The following BBX variants were observed in gnomAD, a reference collection of about 807,000 sequenced individuals.
BBX encodes HMG box transcription factor BBX.
Under a neutral mutation model 100.2 loss-of-function variants are expected in BBX, and 30 were observed. The ratio of observed to expected loss-of-function variants is 0.30; its 90% CI spans 0.22 to 0.41. The LOEUF (loss-of-function observed/expected upper bound fraction) is 0.41. Ranked by LOEUF, BBX falls within the 10% of genes least tolerant of loss-of-function variation. The pLI is 1.00. For missense variants in BBX, 1,023 were observed against 1,129.8 expected (o/e 0.91, Z 1.35); for synonymous variants, 376 against 388.1 (o/e 0.97, Z 0.37).
Position 107,612,612 on chromosome 3 carries a change from A to G in BBX, c.-83-33224A>G, listed in dbSNP as rs765936189. ...CCAAACAAGTGGAATCTCTTTGTCTATGCTGAGCTGTCTAGAGCTGGGGGA... is the reference window on the plus strand; with the variant it reads ...CCAAACAAGTGGAATCTCTTTGTCTGTGCTGAGCTGTCTAGAGCTGGGGGA... On this transcript the variant is annotated intron_variant, in intron 2 of 17. Coordinates refer to ENST00000325805, the MANE Select transcript of BBX (RefSeq NM_001142568.3). Among the ~76,000 whole-genome samples the G allele has an allele frequency of 3.3e-5, 5 of 152,164 alleles. No individual in the cohort carries two copies. In the East Asian group the frequency reaches 7.7e-4, roughly 23 times the overall value.
chr3:107,740,102 G>A (rs1020254912), intron 7 of BBX, among the ~76,000 whole-genome samples: 1 of 151,906 alleles, frequency 6.6e-6, no homozygotes, highest in Non-Finnish European at 1.5e-5. Flanking sequence ...ACTCTATGTG[G>A]TGCTGTTGGG....
intron 15 of BBX, among the ~76,000 whole-genome samples, chr3:107,794,190 G>A (rs1004417201): frequency 1.3e-5 from 2 of 151,894 alleles, no homozygotes; most frequent in African/African-American, 4.8e-5. Context: ...TAGTTTACAG[G>A]GGGCTTTCAT....
At chr3:107,742,919 A>T (rs563024495) in intron 7 of BBX, among the ~76,000 whole-genome samples, 1 of 152,304 alleles carries the variant, frequency 6.6e-6, no homozygotes, top group East Asian at 1.9e-4. Context: ...AATGACACTT[A>T]AAAGAAAGTT....
At position 107,779,128 on chromosome 3, in the gene BBX, C is replaced by T. The variant is rs555960298; in HGVS notation, c.2203+609C>T. Reference sequence around the variant, plus strand: ...TTCTCTACTGCCTATATCAGGGAAGCTTTTTTAAAGTTATCAGCATGACTT... The same window carrying T: ...TTCTCTACTGCCTATATCAGGGAAGTTTTTTTAAAGTTATCAGCATGACTT... On this transcript the variant is annotated intron_variant, in intron 13 of 17. Transcript: ENST00000325805. Among the ~76,000 whole-genome samples the T allele has an allele frequency of 2.0e-5, 3 of 150,588 alleles. No homozygotes were observed. In the East Asian group the frequency reaches 5.9e-4, roughly 29 times the overall value.
chr3:107,782,132 G>A (rs1229798134), intron 13 of BBX, among the ~76,000 whole-genome samples: 6 of 152,052 alleles, frequency 3.9e-5, no homozygotes, highest in Admixed American at 3.3e-4. Flanking sequence ...GGTATAAAAC[G>A]TATACCTGAT....
At chr3:107,747,868 C>A in intron 8 of BBX, 97 bp from the exon 9 acceptor site, 1 of 962,720 alleles carries the variant, frequency 1.0e-6, no homozygotes, top group Non-Finnish European at 1.6e-6. Flanking sequence ...ATTTTTAAAT[C>A]TTTATCAGTG....
At chr3:107,657,426 A>T (rs1364623461) in intron 3 of BBX, among the ~76,000 whole-genome samples, 1 of 152,140 alleles carries the variant, frequency 6.6e-6, no homozygotes, top group African/African-American at 2.4e-5. Context: ...TAGTTATCGT[A>T]AATTTAGCTT....
chr3:107,597,632 C>T (rs921550956), intron 2 of BBX, among the ~76,000 whole-genome samples: 3 of 152,030 alleles, frequency 2.0e-5, no homozygotes, highest in East Asian at 3.9e-4. Context: ...CAGTGTTGCT[C>T]ATTTCTTTCA....
intron 3 of BBX, among the ~76,000 whole-genome samples, chr3:107,699,180 T>TAGAG (rs2060871903): frequency 6.6e-6 from 1 of 151,744 alleles, no homozygotes; most frequent in Non-Finnish European, 1.5e-5. Context: ...TGTAGGGTGC[T>TAGAG]GTGGAGACAC....
chr3:107,800,288 T>C (rs1265381080), intron 16 of BBX, among the ~76,000 whole-genome samples: 1 of 152,234 alleles, frequency 6.6e-6, no homozygotes, highest in Admixed American at 6.5e-5. Flanking sequence ...ATTTTGTAGA[T>C]TGTTACATCC....
chr3:107,674,223 A>C (rs916307168), intron 3 of BBX, among the ~76,000 whole-genome samples: 2 of 152,136 alleles, frequency 1.3e-5, no homozygotes, highest in Non-Finnish European at 2.9e-5. Context: ...TGTAACTAAT[A>C]CCAAAAACTG....
chr3:107,745,827 T>C (rs2107617153), intron 8 of BBX, among the ~76,000 whole-genome samples: 1 of 152,198 alleles, frequency 6.6e-6, no homozygotes, highest in South Asian at 2.1e-4. Flanking sequence ...GCAGAACGGC[T>C]TAAGAGATGA....
intron 3 of BBX, among the ~76,000 whole-genome samples, chr3:107,670,319 A>G (rs1344707687): frequency 2.0e-5 from 3 of 152,166 alleles, no homozygotes. Context: ...GTTAAAGGAT[A>G]TAAAATGACA....
chr3:107,744,383 G>A (rs921684196), intron 7 of BBX, among the ~76,000 whole-genome samples: 3 of 152,094 alleles, frequency 2.0e-5, no homozygotes, highest in Non-Finnish European at 4.4e-5. Context: ...AACATTCTAA[G>A]CTTCCTATGA....
At chr3:107,794,585 C>G (rs1032781706) in intron 15 of BBX, among the ~76,000 whole-genome samples, 12 of 152,308 alleles carry the variant, frequency 7.9e-5, no homozygotes, top group Non-Finnish European at 8.8e-5. Context: ...AACTCGATCT[C>G]TTTTCTTAAG....
At chr3:107,697,807 C>T (rs2060741485) in intron 3 of BBX, among the ~76,000 whole-genome samples, 2 of 151,888 alleles carry the variant, frequency 1.3e-5, no homozygotes, top group Non-Finnish European at 2.9e-5. Flanking sequence ...TCGCTGCCAC[C>T]TTGCAGTTTG....
At chr3:107,793,984 T>G (rs2069330442) in intron 15 of BBX, among the ~76,000 whole-genome samples, 1 of 152,160 alleles carries the variant, frequency 6.6e-6, no homozygotes, top group Non-Finnish European at 1.5e-5. Context: ...AATTTCGGTA[T>G]ATATGTATTA....
intron 5 of BBX, among the ~76,000 whole-genome samples, chr3:107,723,347 A>C (rs1418067109): frequency 6.6e-6 from 1 of 152,008 alleles, no homozygotes; most frequent in Non-Finnish European, 1.5e-5. Flanking sequence ...TTGTTCATCA[A>C]ATTTGCATTT....
chr3:107,664,941 T>C (rs1209225401), intron 3 of BBX, among the ~76,000 whole-genome samples: 2 of 152,224 alleles, frequency 1.3e-5, no homozygotes, highest in Non-Finnish European at 2.9e-5. Flanking sequence ...TCTTTTGTTT[T>C]TGTTAGCCAA....
Sources: gnomAD v4.1 joint callset for allele counts (sites outside exome capture counted in the v4.1 genomes callset) on GRCh38, gnomAD v4.1.1 for gene constraint, MANE v1.5 for transcripts, NCBI Gene and HGNC (gene_info 2026-07-23, HGNC 2026-07-21) for gene names.